Variants in DNAAF1 observed in about 807,000 individuals in gnomAD.
DNAAF1 encodes dynein axonemal assembly factor 1, also known as dynein assembly factor 1, axonemal.
Under a neutral mutation model 71.1 loss-of-function variants are expected in DNAAF1, and 65 were observed. The ratio of observed to expected loss-of-function variants is 0.91; its 90% CI spans 0.75 to 1.12. The LOEUF (loss-of-function observed/expected upper bound fraction) is 1.12, where lower values mean the gene tolerates loss of function less well. Ranked by LOEUF, DNAAF1 falls within the 50% of genes most tolerant of loss-of-function variation. The pLI, the probability that DNAAF1 is intolerant of heterozygous loss-of-function variation, is 0.00. For synonymous variants in DNAAF1, 414 were observed against 354.6 expected (o/e 1.17, Z -1.88); for missense variants, 1,178 against 899.8 (o/e 1.31, Z -3.96).
intron 5 of DNAAF1, 36 bp downstream of exon 5, chr16:84,155,785 A>G: frequency 6.2e-7 from 1 of 1,611,304 alleles, no homozygotes; most frequent in Non-Finnish European, 8.5e-7. Flanking sequence ...AAAAAGCACC[A>G]CAGGAAACCG....
chr16:84,170,973 C>A (rs551258928), intron 8 of DNAAF1, among the ~76,000 whole-genome samples: 1 of 152,072 alleles, frequency 6.6e-6, no homozygotes, highest in Non-Finnish European at 1.5e-5. Flanking sequence ...TATCAGTGAG[C>A]TATTTTACTT....
In DNAAF1 at chr16:84,155,759, A is replaced by G; in HGVS notation, c.741+10A>G. 2 of 1,614,012 alleles carry G rather than the reference A, an allele frequency of 1.2e-6. No individual in the cohort carries two copies. The highest frequency in any genetic ancestry group is 2.2e-5 in the South Asian group (2 of 91,084). On this transcript the variant is annotated intron_variant, in intron 5 of 11. Coordinates refer to ENST00000378553, the MANE Select transcript of DNAAF1 (RefSeq NM_178452.6). ...AAGCATGCCCGATTTGGTAAAAAACAAAAACAAAAACAACGAAAAAGCACC... is the reference window on the plus strand; with the variant it reads ...AAGCATGCCCGATTTGGTAAAAAACGAAAACAAAAACAACGAAAAAGCACC...
chr16:84,152,688 T>A (rs1460112731), intron 3 of DNAAF1, among the ~76,000 whole-genome samples: 1 of 148,448 alleles, frequency 6.7e-6, no homozygotes, highest in Non-Finnish European at 1.5e-5. Flanking sequence ...GCGCGGTGGC[T>A]CACACCTGTA....
At chr16:84,150,924 T>G (rs191421735) in intron 3 of DNAAF1, among the ~76,000 whole-genome samples, 1 of 152,204 alleles carries the variant, frequency 6.6e-6, no homozygotes, top group Admixed American at 6.5e-5. Flanking sequence ...AGGACTTTAA[T>G]TTTTCATACC....
intron 9 of DNAAF1, chr16:84,173,084 G>A: frequency 2.0e-6 from 2 of 986,560 alleles, no homozygotes; most frequent in Non-Finnish European, 2.4e-6. Flanking sequence ...TTGGAGAGGT[G>A]GTCCCCTGCC....
intron 6 of DNAAF1, among the ~76,000 whole-genome samples, chr16:84,161,797 A>T (rs1950957194): frequency 6.6e-6 from 1 of 151,816 alleles, no homozygotes; most frequent in Admixed American, 6.6e-5. Flanking sequence ...GACCTATCTA[A>T]ATAGTACCTT....
chr16:84,155,804 A>T (rs1359837265), intron 5 of DNAAF1, 55 bp downstream of exon 5: 1 of 1,597,010 alleles, frequency 6.3e-7, no homozygotes, highest in Non-Finnish European at 8.5e-7. Context: ...CGCTTCTATT[A>T]TTTTCATCAA....
chr16:84,172,254 C>T lies in DNAAF1; in HGVS notation c.1529-6C>T, dbSNP rs774291610. 6.2e-7 allele frequency: 1 copy of T among 1,613,614 alleles called. No individual in the cohort carries two copies. Among genetic ancestry groups the T allele is most frequent in the Non-Finnish European group, 8.5e-7 (1 of 1,179,854 alleles). ...ACTAACTCCAAGACTTGTTGTTGCT[C>T]TTTAGAACCGACTCCCCAGGCTGTG... On this transcript the variant is annotated splice_polypyrimidine_tract_variant and splice_region_variant and intron_variant, in intron 8 of 11. Transcript: ENST00000378553.
intron 6 of DNAAF1, 138 bp downstream of exon 6, chr16:84,159,934 A>C (rs2087622740): frequency 1.1e-6 from 1 of 905,214 alleles, no homozygotes; most frequent in African/African-American, 1.7e-5. Flanking sequence ...TGATGGCTAC[A>C]TAATTGACTA....
chr16:84,171,292 C>T (rs2088328790), intron 8 of DNAAF1, among the ~76,000 whole-genome samples: 1 of 151,930 alleles, frequency 6.6e-6, no homozygotes, highest in Non-Finnish European at 1.5e-5. Context: ...CAAGCCTCTA[C>T]AAAAAACAAT....
At chr16:84,147,582 C>T (rs2086971539) in intron 1 of DNAAF1, among the ~76,000 whole-genome samples, 1 of 151,948 alleles carries the variant, frequency 6.6e-6, no homozygotes, top group African/African-American at 2.4e-5. Context: ...CCTCAGCCTC[C>T]TGAGTAGCTG....
At chr16:84,149,397 A>G (rs1160023522) in intron 2 of DNAAF1, among the ~76,000 whole-genome samples, 1 of 152,202 alleles carries the variant, frequency 6.6e-6, no homozygotes, top group Non-Finnish European at 1.5e-5. Flanking sequence ...TAGAACATAC[A>G]ATGCAATTTT....
At chr16:84,147,717 T>A (rs1200026520) in intron 1 of DNAAF1, among the ~76,000 whole-genome samples, 2 of 151,950 alleles carry the variant, frequency 1.3e-5, no homozygotes, top group African/African-American at 2.4e-5. Flanking sequence ...CATTTTATCA[T>A]ATTTATTTGA....
rs540668952 is a variant in DNAAF1 at position 84,177,513 on chromosome 16, G to A, written c.2066-216G>A. 5 of 498,154 alleles carry A rather than the reference G, an allele frequency of 1.0e-5. No individual in the cohort carries two copies. The East Asian group carries it at 2.1e-4, about 21-fold the overall frequency. 30.9% of individuals were successfully genotyped at this position (498,154 alleles called of 1,614,324 possible). A position where few individuals can be genotyped will look rare whatever the true frequency, so the allele number is the denominator to read the frequency against. ...CCAGCTAATCTTTGTATTTTTAGTA[G>A]AGATGGGGTTTCACCATGTTGACCA... On this transcript the variant is annotated intron_variant, in intron 11 of 11. Coordinates refer to ENST00000378553, the MANE Select transcript of DNAAF1 (RefSeq NM_178452.6).
Position 84,170,251 on chromosome 16 carries a change from C to G in DNAAF1, c.1423C>G (p.Leu475Val). The change falls in exon 8 of 12, where the codon CTG becomes GTG. Residue 475 changes from leucine (L) to valine (V), a missense_variant. Transcript: ENST00000378553. ...GACCCTCCCAGCTGAGACCCTGCTA[C>G]TGTCACCGCCTGTGAAGGTTAAAGG... is the stretch of plus-strand genomic sequence containing the variant. ...EGTLPAETLL[L>V]SPPVKVKGED... 6.2e-7 allele frequency: 1 copy of G among 1,610,028 alleles called. No individual in the cohort carries two copies. The highest frequency in any genetic ancestry group is 8.5e-7 in the Non-Finnish European group (1 of 1,178,270).
At chr16:84,150,560 A>G (rs989968448) in intron 3 of DNAAF1, among the ~76,000 whole-genome samples, 2 of 152,146 alleles carry the variant, frequency 1.3e-5, no homozygotes, top group Non-Finnish European at 2.9e-5. Flanking sequence ...AGGAATACCA[A>G]GGAAACACAT....
At chr16:84,159,413 G>A (rs534013946) in intron 5 of DNAAF1, among the ~76,000 whole-genome samples, 1 of 152,344 alleles carries the variant, frequency 6.6e-6, no homozygotes, top group Non-Finnish European at 1.5e-5. Context: ...ATGTTTTCCA[G>A]TATTGTTCTG....
At chr16:84,164,856 T>C (rs1339616743) in intron 6 of DNAAF1, among the ~76,000 whole-genome samples, 2 of 152,250 alleles carry the variant, frequency 1.3e-5, no homozygotes, top group South Asian at 2.1e-4. Flanking sequence ...TTTTCCAAAG[T>C]GGCTGTACCA....
chr16:84,148,596 CTT>C (rs765676142), intron 1 of DNAAF1, among the ~76,000 whole-genome samples: 2 of 43,572 alleles, frequency 4.6e-5, no homozygotes, highest in Admixed American at 3.2e-4. Context: ...CTCTCTCTCT[CTT>C]TTTTTTTTTT....
Sources: allele counts gnomAD v4.1 joint callset (sites outside exome capture counted in the v4.1 genomes callset), GRCh38; gene constraint gnomAD v4.1.1; transcripts MANE v1.5; gene names NCBI Gene and HGNC (gene_info 2026-07-23, HGNC 2026-07-21).